PIEZO2: variants seen among roughly 807,000 people sequenced by gnomAD.
PIEZO2 encodes piezo type mechanosensitive ion channel component 2.
In PIEZO2, 172 loss-of-function variants were observed where a neutral mutation model predicts 337.3. The observed-to-expected ratio is 0.51, with a 90% CI of 0.45 to 0.58. PIEZO2 has a LOEUF of 0.58. PIEZO2 is among the 20% of genes least tolerant of loss of function. The probability of loss-of-function intolerance (pLI) is 0.00; values close to 1 mark genes in which losing one functional copy is unlikely to be tolerated. For synonymous variants in PIEZO2, 1,251 were observed against 1,228.5 expected (o/e 1.02, Z -0.38); for missense variants, 3,028 against 3,391.3 (o/e 0.89, Z 2.66).
Position 11,131,080 on chromosome 18 carries a change from T to C in PIEZO2, c.64+17445A>G, listed in dbSNP as rs950397554. On this transcript the variant is annotated intron_variant, in intron 1 of 55. Transcript: ENST00000674853. This position sits in a 1 kb window ranked among gnomAD's most constrained non-coding sequence, Gnocchi z 5.3. ...TTTGGAGCAAGGCCCTGCCACCTTC[T>C]GCAGATAACTACTCTCCTTTTGAGA... Among the ~76,000 whole-genome samples, 1 of 152,234 alleles carries C rather than the reference T, an allele frequency of 6.6e-6. No homozygotes were observed. Among genetic ancestry groups the C allele is most frequent in the African/African-American group, 2.4e-5 (1 of 41,464 alleles).
chr18:10,712,189 C>T (rs997555348), intron 39 of PIEZO2, among the ~76,000 whole-genome samples: 3 of 152,198 alleles, frequency 2.0e-5, no homozygotes, highest in African/African-American at 7.2e-5. Flanking sequence ...GTCAGCATCT[C>T]GAGTGCTCAC....
In PIEZO2 at chr18:10,716,822, C is replaced by T. The variant is rs2036029146; in HGVS notation, c.5090-1006G>A. Among the ~76,000 whole-genome samples, 1 of 151,738 alleles carries T rather than the reference C, an allele frequency of 6.6e-6. No individual in the cohort carries two copies. The highest frequency in any genetic ancestry group is 2.1e-4 in the South Asian group (1 of 4,826). ...GAACTTTAGGAGCTCCTTATATTTT[C>T]GACATGTATTTTCTCATACCCACAA... On this transcript the variant is annotated intron_variant, in intron 37 of 55. Coordinates refer to ENST00000674853, the MANE Select transcript of PIEZO2 (RefSeq NM_001378183.1). This position sits in a 1 kb window ranked among gnomAD's most constrained non-coding sequence, Gnocchi z 4.1.
intron 2 of PIEZO2, among the ~76,000 whole-genome samples, chr18:11,049,300 G>A (rs921354774): frequency 6.6e-6 from 1 of 152,196 alleles, no homozygotes; most frequent in African/African-American, 2.4e-5. Context: ...CAAGTAACTT[G>A]CTGGAGATTA....
Position 10,726,433 on chromosome 18 carries a change from G to T in PIEZO2, c.5029+4974C>A. On this transcript the variant is annotated intron_variant, in intron 36 of 55. Coordinates refer to ENST00000674853, the MANE Select transcript of PIEZO2 (RefSeq NM_001378183.1). The surrounding 1 kb of genome is among the most constrained non-coding windows in gnomAD (Gnocchi z 5.9). ...TGGCACAACGCGGAGGGCCGGCTGC[G>T]GTACGGGCTACGGCCGGCGAACCCC... 1 of 1,530,274 alleles carries T rather than the reference G, an allele frequency of 6.5e-7. No homozygotes were observed. Among genetic ancestry groups the T allele is most frequent in the Non-Finnish European group, 8.7e-7 (1 of 1,145,124 alleles). 94.8% of individuals were successfully genotyped at this position (1,530,274 alleles called of 1,614,324 possible).
At chr18:10,928,235 G>A (rs2031867826) in intron 3 of PIEZO2, among the ~76,000 whole-genome samples, 1 of 152,200 alleles carries the variant, frequency 6.6e-6, no homozygotes, top group South Asian at 2.1e-4. Context: ...ATCAAAGGAA[G>A]CTCCATGGAC....
chr18:10,871,538 TA>T, intron 4 of PIEZO2, 123 bp from the exon 5 acceptor site: 1 of 964,312 alleles, frequency 1.0e-6, no homozygotes, highest in Non-Finnish European at 1.5e-6. Flanking sequence ...CGTTTCTCCC[TA>T]AAAGGTACAA....
At chr18:10,976,599 CAG>C (rs1217820461) in intron 3 of PIEZO2, among the ~76,000 whole-genome samples, 4 of 151,982 alleles carry the variant, frequency 2.6e-5, no homozygotes, top group Non-Finnish European at 4.4e-5. Flanking sequence ...TGACTCATAA[CAG>C]AGTAGAGCTT....
At chr18:10,718,096 C>T (rs2036087691) in intron 37 of PIEZO2, 104 bp downstream of exon 37, 2 of 981,234 alleles carry the variant, frequency 2.0e-6, no homozygotes, top group Admixed American at 4.2e-5. Context: ...GTCCAGAAAA[C>T]AGTGTTCGAT....
intron 55 of PIEZO2, 122 bp from the exon 56 acceptor site, chr18:10,671,901 A>C (rs2033796786): frequency 2.2e-6 from 2 of 914,982 alleles, no homozygotes; most frequent in Non-Finnish European, 3.1e-6. Context: ...AAGCAAATCA[A>C]ATCTTACATT....
At chr18:10,736,273 T>C (rs1313673289) in intron 34 of PIEZO2, among the ~76,000 whole-genome samples, 3 of 114,966 alleles carry the variant, frequency 2.6e-5, no homozygotes, top group Non-Finnish European at 5.2e-5. Context: ...TCCAATGCAA[T>C]GCCAGAGAAG....
At position 11,028,197 on chromosome 18, in the gene PIEZO2, A is replaced by ACTT. The variant is rs574335798; in HGVS notation, c.160+37929_160+37930insAAG. On this transcript the variant is annotated intron_variant, in intron 2 of 55. Coordinates refer to ENST00000674853, the MANE Select transcript of PIEZO2 (RefSeq NM_001378183.1). The surrounding 1 kb of genome is among the most constrained non-coding windows in gnomAD (Gnocchi z 4.8). ...AGTACCAAATGCAAGTAAGGAAGCTAGGCTTTTCTGTACATCGCCTTCTTT... is the reference window on the plus strand; with the variant it reads ...AGTACCAAATGCAAGTAAGGAAGCTACTTGGCTTTTCTGTACATCGCCTTCTTT... 4.8e-3 allele frequency among the ~76,000 whole-genome samples: 724 copies of ACTT among 152,308 alleles called. 5 individuals carry two copies. The highest frequency in any genetic ancestry group is 0.017 in the African/African-American group (690 of 41,574).
intron 2 of PIEZO2, among the ~76,000 whole-genome samples, chr18:11,065,454 A>G (rs146029148): frequency 1.3e-3 from 196 of 152,362 alleles, no homozygotes; most frequent in African/African-American, 4.6e-3. Flanking sequence ...CAGAACTTGA[A>G]GTTGAAAAAT....
At chr18:10,789,584 T>G (rs1434341381) in intron 14 of PIEZO2, among the ~76,000 whole-genome samples, 3 of 152,346 alleles carry the variant, frequency 2.0e-5, no homozygotes, top group East Asian at 3.9e-4. Flanking sequence ...AAAATAAATT[T>G]GGTAACACTA....
Position 10,953,716 on chromosome 18 carries a change from CAGAT to C in PIEZO2, c.286+25815_286+25818del, listed in dbSNP as rs1314419502. Among the ~76,000 whole-genome samples the C allele has an allele frequency of 6.6e-6, 1 of 152,048 alleles. No homozygotes were observed. Among genetic ancestry groups the C allele is most frequent in the Non-Finnish European group, 1.5e-5 (1 of 68,022 alleles). The stretch of plus-strand genomic sequence containing the variant: ...TGGTTGAACACATCGCAACACTGGG[CAGAT>C]AGATGGGCAGCATTTTATTACCCAC... On this transcript the variant is annotated intron_variant, in intron 3 of 55. Coordinates refer to ENST00000674853, the MANE Select transcript of PIEZO2 (RefSeq NM_001378183.1). The surrounding 1 kb of genome is among the most constrained non-coding windows in gnomAD (Gnocchi z 5.2).
chr18:11,018,383 G>A (rs1232991522), intron 2 of PIEZO2, among the ~76,000 whole-genome samples: 4 of 1,936 alleles, frequency 2.1e-3, no homozygotes, highest in Non-Finnish European at 5.5e-3. Context: ...CCAACATGTC[G>A]TGTGTGTGTG....
At chr18:10,865,011 G>A (rs2041969767) in intron 5 of PIEZO2, among the ~76,000 whole-genome samples, 2 of 152,288 alleles carry the variant, frequency 1.3e-5, no homozygotes, top group South Asian at 4.1e-4. Context: ...GTACAGCAGA[G>A]TCCAGAAGGA....
At chr18:10,879,077 T>C (rs1299349284) in intron 4 of PIEZO2, among the ~76,000 whole-genome samples, 1 of 152,228 alleles carries the variant, frequency 6.6e-6, no homozygotes, top group Non-Finnish European at 1.5e-5. Context: ...AATTAGATTA[T>C]CCAGGGACAG....
intron 11 of PIEZO2, 51 bp from the exon 12 acceptor site, chr18:10,797,573 G>T (rs776887903): frequency 4.6e-6 from 7 of 1,528,944 alleles, no homozygotes; most frequent in Non-Finnish European, 6.1e-6. Flanking sequence ...TGTGACATTT[G>T]TATAAATGTT....
chr18:10,888,927 C>T lies in PIEZO2; in HGVS notation c.330-17512G>A, dbSNP rs1184329053. On this transcript the variant is annotated intron_variant, in intron 4 of 55. Coordinates refer to ENST00000674853, the MANE Select transcript of PIEZO2 (RefSeq NM_001378183.1). This position sits in a 1 kb window ranked among gnomAD's most constrained non-coding sequence, Gnocchi z 4.1. Reference sequence around the variant, plus strand: ...CTCAACAACCCAGTTTTTCAGAAACCTAGCATGCTGCTACAGCCAACAGTT... The same window carrying T: ...CTCAACAACCCAGTTTTTCAGAAACTTAGCATGCTGCTACAGCCAACAGTT... 1.3e-5 allele frequency among the ~76,000 whole-genome samples: 2 copies of T among 151,864 alleles called. No individual in the cohort carries two copies. The highest frequency in any genetic ancestry group is 2.9e-5 in the Non-Finnish European group (2 of 68,022).
Sources: allele counts gnomAD v4.1 joint callset (sites outside exome capture counted in the v4.1 genomes callset), GRCh38; gene constraint gnomAD v4.1.1; non-coding constraint Gnocchi (gnomAD v3.1); transcripts MANE v1.5; gene names NCBI Gene and HGNC (gene_info 2026-07-23, HGNC 2026-07-21).